MRPL45: variants seen among roughly 807,000 people sequenced by gnomAD.
MRPL45 encodes the protein mitochondrial ribosomal protein L45, also known as large ribosomal subunit protein mL45.
A neutral mutation model predicts 38.1 loss-of-function variants in MRPL45; 20 were observed. The observed-to-expected ratio is 0.53, with a 90% CI of 0.37 to 0.76. MRPL45 has a LOEUF of 0.76. MRPL45 is among the 30% of genes least tolerant of loss of function. The probability of loss-of-function intolerance (pLI) is 0.00; values close to 1 mark genes in which losing one functional copy is unlikely to be tolerated. For missense variants in MRPL45, 337 were observed against 395.6 expected (o/e 0.85, Z 1.26); for synonymous variants, 105 against 128.8 (o/e 0.82, Z 1.25).
intron 4 of MRPL45, among the ~76,000 whole-genome samples, chr17:38,308,733 C>T (rs930522323): frequency 6.6e-6 from 1 of 152,004 alleles, no homozygotes; most frequent in African/African-American, 2.4e-5. Flanking sequence ...AGCCAACGCG[C>T]CCGGCCTAAT....
Position 38,297,237 on chromosome 17 carries a change from GT to G in MRPL45, c.55del (p.Trp19GlyfsTer8), listed in dbSNP as rs1324564914. 6.2e-7 allele frequency: 1 copy of G among 1,614,114 alleles called. No homozygotes were observed. The highest frequency in any genetic ancestry group is 8.5e-7 in the Non-Finnish European group (1 of 1,180,048). On this transcript the variant is annotated frameshift_variant, in exon 1 of 8. Coordinates refer to ENST00000613675, the MANE Select transcript of MRPL45 (RefSeq NM_032351.6). LOFTEE classifies it high-confidence loss of function. ...FSCLSRFLGW[W>X]SRQPVLVTQS... ...CTTGTTTATCGAGGTTTTTGGGCTG[GT>G]GGTCTCGGCAGGTGGGTAGGGACGG...
At position 38,318,229 on chromosome 17, in the gene MRPL45, AG is replaced by A. The variant is rs1467919276; in HGVS notation, c.462-457del. Among the ~76,000 whole-genome samples the A allele has an allele frequency of 2.5e-3, 322 of 126,394 alleles. 1 individual carries two copies. The highest frequency in any genetic ancestry group is 4.0e-3 in the Non-Finnish European group (229 of 57,872). 82.9% of individuals were successfully genotyped at this position (126,394 alleles called of 152,430 possible). A position where few individuals can be genotyped will look rare whatever the true frequency, so the allele number is the denominator to read the frequency against. On this transcript the variant is annotated intron_variant, in intron 4 of 7. Coordinates refer to ENST00000613675, the MANE Select transcript of MRPL45 (RefSeq NM_032351.6). ...CTCAAAAAAAAAAAAAAAAAAAAAA[AG>A]ATATAAGGCCAAGCCAGATGGTACT...
intron 3 of MRPL45, among the ~76,000 whole-genome samples, chr17:38,302,748 G>A (rs1240603982): frequency 6.7e-6 from 1 of 150,318 alleles, no homozygotes; most frequent in Non-Finnish European, 1.5e-5. Flanking sequence ...TTTTTGAGAT[G>A]GAGTCTTGCT....
chr17:38,320,760 C>T lies in MRPL45; in HGVS notation c.653C>T (p.Thr218Ile), dbSNP rs747219347. Residue 218 changes from threonine to isoleucine, a missense_variant, in exon 6 of 8, where the codon ACC becomes ATC. Thr to Ile is a moderately conservative substitution (Grantham distance 89). Around this residue, in one of 3 missense-constraint regions of MRPL45, gnomAD observed 251 missense variants for 269.1 expected, o/e 0.93. Transcript: ENST00000613675. The stretch of plus-strand genomic sequence containing the variant: ...GGCCAGATCACCGTACGCATGCACA[C>T]CCGGCAGGTAGAGGCACTCGTCTGC... ...VYGQITVRMH[T>I]RQTLAIYDRF... The T allele has an allele frequency of 6.2e-7, 1 of 1,613,938 alleles. No individual in the cohort carries two copies. The highest frequency in any genetic ancestry group is 8.5e-7 in the Non-Finnish European group (1 of 1,180,008).
At chr17:38,299,086 C>T (rs536905449) in intron 2 of MRPL45, among the ~76,000 whole-genome samples, 56 of 151,468 alleles carry the variant, frequency 3.7e-4, no homozygotes, top group African/African-American at 1.2e-3. Flanking sequence ...GATGGGGTTT[C>T]ACCATCTTGG....
chr17:38,305,099 C>T (rs1275088149), intron 3 of MRPL45, among the ~76,000 whole-genome samples: 1 of 150,664 alleles, frequency 6.6e-6, no homozygotes, highest in Non-Finnish European at 1.5e-5. Flanking sequence ...CCTGCTTTGG[C>T]CTCCCAAAGT....
At chr17:38,312,666 G>A (rs2037123869) in intron 4 of MRPL45, among the ~76,000 whole-genome samples, 1 of 152,030 alleles carries the variant, frequency 6.6e-6, no homozygotes, top group Non-Finnish European at 1.5e-5. Flanking sequence ...AGCAGAGTAA[G>A]ACCCCATCTC....
At chr17:38,319,979 A>T (rs1222245549) in intron 5 of MRPL45, among the ~76,000 whole-genome samples, 6 of 152,132 alleles carry the variant, frequency 3.9e-5, no homozygotes, top group Non-Finnish European at 8.8e-5. Flanking sequence ...GGCGGGCGCC[A>T]GTAGTCCCAG....
intron 4 of MRPL45, among the ~76,000 whole-genome samples, chr17:38,316,301 G>T (rs557382985): frequency 6.6e-6 from 1 of 152,088 alleles, no homozygotes; most frequent in South Asian, 2.1e-4. Context: ...AACCCCTCTA[G>T]TGAATTTTAA....
chr17:38,319,484 G>A (rs1172403491), intron 5 of MRPL45, among the ~76,000 whole-genome samples: 1 of 152,108 alleles, frequency 6.6e-6, no homozygotes, highest in African/African-American at 2.4e-5. Flanking sequence ...TTTTTCTTAA[G>A]AAGGATCAGT....
At chr17:38,300,451 G>C (rs1269181460) in intron 3 of MRPL45, among the ~76,000 whole-genome samples, 2 of 151,996 alleles carry the variant, frequency 1.3e-5, no homozygotes, top group African/African-American at 4.8e-5. Context: ...GGTGTGACCC[G>C]TCACACCCAG....
At chr17:38,321,124 C>T (rs928440355) in intron 6 of MRPL45, among the ~76,000 whole-genome samples, 2 of 152,022 alleles carry the variant, frequency 1.3e-5, no homozygotes, top group South Asian at 2.1e-4. Context: ...TACAGGGGCA[C>T]GCAACCATGC....
In MRPL45 at chr17:38,320,671, T is replaced by G; in HGVS notation, c.564T>G (p.Ser188=). The stretch of plus-strand genomic sequence containing the variant: ...CCGTCCGCTGGAGCTTTGTGGAATC[T>G]TTAGAGCCCTCTCATGTTGTTCAAG... ...YKTVRWSFVE[S]LEPSHVVQVR... is the part of the protein sequence containing the mutation. The change falls in exon 6 of 8, where the codon TCT becomes TCG. Residue 188 remains serine, a synonymous_variant. Transcript: ENST00000613675. 6.2e-7 allele frequency: 1 copy of G among 1,614,190 alleles called. No individual in the cohort carries two copies.
intron 4 of MRPL45, among the ~76,000 whole-genome samples, chr17:38,315,656 C>T (rs1035703605): frequency 6.6e-6 from 1 of 150,968 alleles, no homozygotes; most frequent in Non-Finnish European, 1.5e-5. Flanking sequence ...TTCAGTTTAT[C>T]TTGCTAGGAG....
chr17:38,312,421 T>C (rs1333643681), intron 4 of MRPL45, among the ~76,000 whole-genome samples: 3 of 152,192 alleles, frequency 2.0e-5, no homozygotes, highest in Admixed American at 6.6e-5. Context: ...TCCATTCATC[T>C]AGTGATGGAC....
intron 1 of MRPL45, among the ~76,000 whole-genome samples, chr17:38,298,036 G>T (rs2036954658): frequency 6.6e-6 from 1 of 152,208 alleles, no homozygotes; most frequent in Non-Finnish European, 1.5e-5. Flanking sequence ...GGTCAAGGCT[G>T]CAGTGAACCG....
intron 6 of MRPL45, among the ~76,000 whole-genome samples, chr17:38,321,443 A>C (rs546150354): frequency 1.3e-5 from 2 of 152,344 alleles, no homozygotes; most frequent in South Asian, 4.1e-4. Flanking sequence ...CTGTAATCCC[A>C]GCACTTTGGG....
chr17:38,320,727 A>C lies in MRPL45; in HGVS notation c.620A>C (p.Asn207Thr). 1 of 1,614,144 alleles carries C rather than the reference A, an allele frequency of 6.2e-7. No homozygotes were observed. Among genetic ancestry groups the C allele is most frequent in the Non-Finnish European group, 8.5e-7 (1 of 1,180,020 alleles). The change falls in exon 6 of 8, where the codon AAC becomes ACC. Residue 207 changes from asparagine (N) to threonine (T), a missense_variant. Physicochemically the swap from Asn to Thr is moderately conservative, Grantham distance 65. Coordinates refer to ENST00000613675, the MANE Select transcript of MRPL45 (RefSeq NM_032351.6). The part of the protein sequence containing the change: ...VRCSSMMNQG[N>T]VYGQITVRMH... ...TGTTCAAGTATGATGAACCAGGGCAACGTGTACGGCCAGATCACCGTACGC... is the reference window on the plus strand; with the variant it reads ...TGTTCAAGTATGATGAACCAGGGCACCGTGTACGGCCAGATCACCGTACGC...
At chr17:38,309,058 C>T (rs893289187) in intron 4 of MRPL45, among the ~76,000 whole-genome samples, 17 of 151,236 alleles carry the variant, frequency 1.1e-4, no homozygotes, top group Non-Finnish European at 1.9e-4. Flanking sequence ...AGGTGCCTGC[C>T]ACCACGCCCA....
Sources: gnomAD v4.1 joint callset for allele counts (sites outside exome capture counted in the v4.1 genomes callset) on GRCh38, gnomAD v4.1.1 for gene constraint, gnomAD v4.1.1 regional missense constraint, MANE v1.5 for transcripts, NCBI Gene and HGNC (gene_info 2026-07-23, HGNC 2026-07-21) for gene names.